The following ETF1 variants were observed in gnomAD, a reference collection of about 807,000 sequenced individuals.
ETF1 encodes the protein eukaryotic translation termination factor 1.
A neutral mutation model predicts 55.1 loss-of-function variants in ETF1; 4 were observed. The observed-to-expected ratio is 0.07, with a 90% CI of 0.04 to 0.17. The LOEUF (loss-of-function observed/expected upper bound fraction) is 0.17, where lower values mean the gene tolerates loss of function less well. Among genes scored for constraint, ETF1 ranks in the 10% least tolerant of loss-of-function variants. The probability of loss-of-function intolerance (pLI) is 1.00; values close to 1 mark genes in which losing one functional copy is unlikely to be tolerated. For missense variants in ETF1, 142 were observed against 523.6 expected, an observed-to-expected ratio of 0.27 and a Z score of 7.11; for synonymous variants, 157 against 182.3, an observed-to-expected ratio of 0.86 and a Z score of 1.12.
intron 2 of ETF1, chr5:138,541,719 A>G (rs1287683728): frequency 2.6e-6 from 3 of 1,172,756 alleles, no homozygotes; most frequent in South Asian, 3.7e-5. Flanking sequence ...TATTCTAAGA[A>G]TGCTCAGACA....
chr5:138,539,415 C>A (rs1230909732), intron 2 of ETF1, among the ~76,000 whole-genome samples: 2 of 152,212 alleles, frequency 1.3e-5, no homozygotes, highest in Admixed American at 6.5e-5. Flanking sequence ...ATACCCTCAA[C>A]CACAGTATTG....
At chr5:138,535,241 T>C (rs1168612721) in intron 2 of ETF1, among the ~76,000 whole-genome samples, 1 of 151,756 alleles carries the variant, frequency 6.6e-6, no homozygotes, top group African/African-American at 2.4e-5. Context: ...TGAGCAACCA[T>C]ACCCAGCCAA....
intron 2 of ETF1, among the ~76,000 whole-genome samples, chr5:138,537,940 TG>T (rs1280999664): frequency 1.0e-4 from 14 of 134,094 alleles, no homozygotes; most frequent in Non-Finnish European, 3.2e-5. Flanking sequence ...TTGCCCAGGC[TG>T]GAGTGCAATG....
chr5:138,524,584 T>G (rs1395170277), intron 2 of ETF1, among the ~76,000 whole-genome samples: 2 of 144,490 alleles, frequency 1.4e-5, no homozygotes, highest in Non-Finnish European at 3.0e-5. Flanking sequence ...TTCCGTTTTT[T>G]GTTTTTTTTT....
intron 2 of ETF1, among the ~76,000 whole-genome samples, chr5:138,521,812 G>C (rs1043359076): frequency 6.6e-6 from 1 of 152,226 alleles, no homozygotes; most frequent in Non-Finnish European, 1.5e-5. Flanking sequence ...TTACAGGCGT[G>C]AGCCACCGCG....
chr5:138,519,052 T>C, intron 2 of ETF1, 185 bp from the exon 3 acceptor site: 1 of 984,402 alleles, frequency 1.0e-6, no homozygotes, highest in Non-Finnish European at 1.2e-6. Flanking sequence ...AGGAACAGTG[T>C]TCAGAATCTA....
intron 2 of ETF1, among the ~76,000 whole-genome samples, chr5:138,533,815 G>A (rs187364278): frequency 1.2e-4 from 18 of 152,256 alleles, no homozygotes; most frequent in East Asian, 3.9e-4. Context: ...TATATTAGGC[G>A]TTTACCTTAA....
intron 3 of ETF1, 140 bp from the exon 4 acceptor site, chr5:138,517,840 T>C: frequency 2.3e-6 from 3 of 1,290,474 alleles, no homozygotes; most frequent in Non-Finnish European, 3.0e-6. Flanking sequence ...GCTTGAAATC[T>C]CTCAGGCAGA....
At chr5:138,540,420 G>C (rs1020227545) in intron 2 of ETF1, among the ~76,000 whole-genome samples, 6 of 152,126 alleles carry the variant, frequency 3.9e-5, no homozygotes, top group African/African-American at 1.2e-4. Flanking sequence ...TTCTTCTAAA[G>C]ATATTTTATC....
chr5:138,542,542 TG>T, intron 2 of ETF1: 1 of 1,130,972 alleles, frequency 8.8e-7, no homozygotes, highest in Non-Finnish European at 1.2e-6. Flanking sequence ...AGGGAGGACC[TG>T]GACTTAAGGG....
intron 9 of ETF1, chr5:138,509,050 AC>A: frequency 1.0e-6 from 1 of 985,386 alleles, no homozygotes. Context: ...GCTATGAAAT[AC>A]CAACACAAAA....
At position 138,543,152 on chromosome 5, in the gene ETF1, G is replaced by A. The variant is rs564753259; in HGVS notation, c.-74C>T. On this transcript the variant is annotated 5_prime_UTR_variant, in exon 1 of 11. Coordinates refer to ENST00000360541, the MANE Select transcript of ETF1 (RefSeq NM_004730.4). The stretch of plus-strand genomic sequence containing the variant: ...GCTCCTCCCCGGCGGCGGCTCCGCG[G>A]CGGCGGCGGCTCTGACGTAGGACAC... The A allele has an allele frequency of 5.0e-5, 29 of 579,938 alleles. No homozygotes were observed. The East Asian group carries it at 8.6e-4, about 17-fold the overall frequency. 35.9% of individuals were successfully genotyped at this position (579,938 alleles called of 1,614,324 possible).
chr5:138,533,238 T>C (rs1192353916), intron 2 of ETF1, among the ~76,000 whole-genome samples: 2 of 151,238 alleles, frequency 1.3e-5, no homozygotes, highest in Admixed American at 6.6e-5. Flanking sequence ...CCAGCCCAAG[T>C]GTATATAAGC....
intron 2 of ETF1, among the ~76,000 whole-genome samples, chr5:138,532,940 GCTT>G (rs1264580465): frequency 1.8e-4 from 27 of 151,798 alleles, no homozygotes; most frequent in Admixed American, 1.5e-3. Context: ...GTGTATATAA[GCTT>G]CTTTTTTTTT....
chr5:138,516,371 A>C (rs1201198533), intron 4 of ETF1, among the ~76,000 whole-genome samples: 1 of 150,662 alleles, frequency 6.6e-6, no homozygotes, highest in Non-Finnish European at 1.5e-5. Context: ...CAAAAATCAA[A>C]ACACACACAC....
At chr5:138,536,118 C>A (rs563729388) in intron 2 of ETF1, among the ~76,000 whole-genome samples, 7 of 152,274 alleles carry the variant, frequency 4.6e-5, no homozygotes, top group Non-Finnish European at 8.8e-5. Flanking sequence ...AGTAAAAGTG[C>A]ATTTCTGGCT....
Position 138,511,457 on chromosome 5 carries a change from G to C in ETF1, c.862+18C>G. ...ACGAAAACATTTCACAGAATAAGTA[G>C]TTGCATTTCACCGATACCTATTAAT... On this transcript the variant is annotated intron_variant, in intron 7 of 10. Transcript: ENST00000360541. 1 of 1,611,022 alleles carries C rather than the reference G, an allele frequency of 6.2e-7. No homozygotes were observed. Among genetic ancestry groups the C allele is most frequent in the Non-Finnish European group, 8.5e-7 (1 of 1,178,924 alleles).
chr5:138,541,665 T>G, intron 2 of ETF1: 1 of 1,492,218 alleles, frequency 6.7e-7, no homozygotes, highest in South Asian at 1.2e-5. Flanking sequence ...CAAATTCTTG[T>G]GCTGAAATCA....
chr5:138,542,336 G>A (rs1766213895), intron 2 of ETF1, among the ~76,000 whole-genome samples: 1 of 152,142 alleles, frequency 6.6e-6, no homozygotes, highest in Non-Finnish European at 1.5e-5. Flanking sequence ...AGCTGTCCCT[G>A]GCCACCTCTG....
Sources: gnomAD v4.1 joint callset for allele counts (sites outside exome capture counted in the v4.1 genomes callset) on GRCh38, gnomAD v4.1.1 for gene constraint, MANE v1.5 for transcripts, NCBI Gene and HGNC (gene_info 2026-07-23, HGNC 2026-07-21) for gene names.